Variants in CCL28 observed in about 807,000 individuals in gnomAD.
The protein encoded by CCL28 is C-C motif chemokine 28.
A neutral mutation model predicts 7.1 loss-of-function variants in CCL28; 4 were observed. That is an observed-to-expected ratio of 0.56 (90% CI 0.28 to 1.29). The LOEUF (loss-of-function observed/expected upper bound fraction) is 1.29, where lower values mean the gene tolerates loss of function less well. CCL28 is among the 50% of genes most tolerant of loss of function. CCL28 has a pLI of 0.11. For synonymous variants in CCL28, 55 were observed against 57.8 expected, an observed-to-expected ratio of 0.95 and a Z score of 0.22; for missense variants, 151 against 163.4, an observed-to-expected ratio of 0.92 and a Z score of 0.41.
rs1318576611 is a variant in CCL28 at position 43,381,457 on chromosome 5, TC to T, written c.*402del. On this transcript the variant is annotated 3_prime_UTR_variant, in exon 3 of 3. Transcript: ENST00000361115. ...ACTGCAACCTCAAACTCTCCCAGAC[TC>T]AAGTGATCCTCCCACCTCAGCCTCC... The T allele has an allele frequency of 6.4e-6, 1 of 155,654 alleles. No homozygotes were observed. Among genetic ancestry groups the T allele is most frequent in the African/African-American group, 2.4e-5 (1 of 41,530 alleles). The allele number at this position is 155,654 out of a possible 1,614,324, so 9.6% of individuals were successfully genotyped here.
At chr5:43,407,966 C>T (rs1268415922) in intron 1 of CCL28, among the ~76,000 whole-genome samples, 1 of 152,164 alleles carries the variant, frequency 6.6e-6, no homozygotes, top group East Asian at 1.9e-4. Context: ...GTTAGAATGG[C>T]AATCATTCAA....
intron 1 of CCL28, among the ~76,000 whole-genome samples, chr5:43,411,933 C>T (rs1741549190): frequency 6.6e-6 from 1 of 152,238 alleles, no homozygotes; most frequent in Middle Eastern, 3.2e-3. Flanking sequence ...AGGGGCTTTA[C>T]TCCAGCCTCT....
At chr5:43,388,250 T>C in intron 2 of CCL28, 100 bp downstream of exon 2, 2 of 1,419,480 alleles carry the variant, frequency 1.4e-6, no homozygotes, top group Admixed American at 3.8e-5. Flanking sequence ...GGATGATTGT[T>C]TGTATGTTGT....
At chr5:43,395,614 A>G (rs1740764086) in intron 1 of CCL28, among the ~76,000 whole-genome samples, 1 of 152,108 alleles carries the variant, frequency 6.6e-6, no homozygotes, top group Non-Finnish European at 1.5e-5. Flanking sequence ...TGATCCTGCC[A>G]TTGCGTTACA....
intron 1 of CCL28, among the ~76,000 whole-genome samples, chr5:43,390,880 C>G (rs1291858646): frequency 3.9e-5 from 6 of 152,222 alleles, no homozygotes; most frequent in South Asian, 4.1e-4. Flanking sequence ...AATTTCTACT[C>G]ACCAACCAGT....
At chr5:43,407,671 C>T (rs1033437783) in intron 1 of CCL28, among the ~76,000 whole-genome samples, 1 of 152,172 alleles carries the variant, frequency 6.6e-6, no homozygotes, top group Non-Finnish European at 1.5e-5. Context: ...AGAACTTGTG[C>T]ACAGCAAAAG....
At chr5:43,410,752 A>G (rs1483158230) in intron 1 of CCL28, among the ~76,000 whole-genome samples, 1 of 152,198 alleles carries the variant, frequency 6.6e-6, no homozygotes, top group Non-Finnish European at 1.5e-5. Context: ...AAAAAATTTG[A>G]GTTGGTGGAA....
At chr5:43,374,433 G>A (rs536698389), downstream of CCL28, among the ~76,000 whole-genome samples, 4 of 152,262 alleles carry the variant, frequency 2.6e-5, no homozygotes, top group Non-Finnish European at 4.4e-5. Flanking sequence ...AAAGAACATC[G>A]AATTAGCTAT....
chr5:43,361,196 C>G, the CCL28 span, among the ~76,000 whole-genome samples: 674 of 152,176 alleles, frequency 4.4e-3, 2 homozygotes, highest in Non-Finnish European at 5.5e-3. Context: ...GTATATGTAC[C>G]ACATTTTCTT....
intron 1 of CCL28, 39 bp from the exon 2 acceptor site, chr5:43,388,515 T>C: frequency 6.3e-7 from 1 of 1,596,928 alleles, no homozygotes; most frequent in Non-Finnish European, 8.5e-7. Context: ...AATTTTACGG[T>C]TTATAGAACA....
chr5:43,375,063 C>T (rs574805063), downstream of CCL28, among the ~76,000 whole-genome samples: 425 of 152,030 alleles, frequency 2.8e-3, 3 homozygotes, highest in African/African-American at 9.9e-3. Context: ...GGTCTCAGCT[C>T]ACTGCAACCT....
the CCL28 span, among the ~76,000 whole-genome samples, chr5:43,359,299 G>T: frequency 3.3e-5 from 5 of 152,252 alleles, no homozygotes; most frequent in Admixed American, 3.3e-4. Context: ...GCAAGCCAGG[G>T]ATAAGTATTG....
intron 1 of CCL28, among the ~76,000 whole-genome samples, chr5:43,409,299 G>A (rs537451767): frequency 5.9e-5 from 9 of 152,198 alleles, no homozygotes; most frequent in East Asian, 1.9e-4. Flanking sequence ...GGTGGTGCAC[G>A]CTTCTAATCC....
At chr5:43,409,457 G>T (rs1234796270) in intron 1 of CCL28, among the ~76,000 whole-genome samples, 1 of 151,976 alleles carries the variant, frequency 6.6e-6, no homozygotes. Flanking sequence ...AAATTAGCTA[G>T]GTGTGGTGGC....
At chr5:43,357,139 C>G in the CCL28 span, among the ~76,000 whole-genome samples, 1 of 152,100 alleles carries the variant, frequency 6.6e-6, no homozygotes, top group Non-Finnish European at 1.5e-5. Flanking sequence ...GAGTTGCTAC[C>G]CAGAGTGGAG....
the CCL28 span, among the ~76,000 whole-genome samples, chr5:43,367,498 C>T: frequency 6.6e-6 from 1 of 152,200 alleles, no homozygotes; most frequent in African/African-American, 2.4e-5. Flanking sequence ...AGTTCCCCAA[C>T]CCCTTGTGCT....
chr5:43,367,000 T>TGTGTTTGTGTTTACACC, the CCL28 span, among the ~76,000 whole-genome samples: 517 of 152,378 alleles, frequency 3.4e-3, 6 homozygotes, highest in Non-Finnish European at 3.5e-3. Context: ...TTGTTTACAC[T>TGTGTTTGTGTTTACACC]GTGTTTGTGT....
the CCL28 span, among the ~76,000 whole-genome samples, chr5:43,358,254 T>C: frequency 6.6e-6 from 1 of 152,354 alleles, no homozygotes; most frequent in Admixed American, 6.5e-5. Flanking sequence ...TTTGGAATTC[T>C]AGAATCAGGC....
the CCL28 span, among the ~76,000 whole-genome samples, chr5:43,369,612 C>G: frequency 6.6e-6 from 1 of 151,900 alleles, no homozygotes; most frequent in Admixed American, 6.6e-5. Context: ...TTTCAGTAGA[C>G]GGGGTTTCAC....
Sources: gnomAD v4.1 joint callset for allele counts (sites outside exome capture counted in the v4.1 genomes callset) on GRCh38, gnomAD v4.1.1 for gene constraint, MANE v1.5 for transcripts, NCBI Gene and HGNC (gene_info 2026-07-23, HGNC 2026-07-21) for gene names.